ITGA2B: variants seen among roughly 807,000 people sequenced by gnomAD.
ITGA2B encodes integrin subunit alpha 2b.
A neutral mutation model predicts 142.0 loss-of-function variants in ITGA2B; 91 were observed. That is an observed-to-expected ratio of 0.64 (90% CI 0.54 to 0.76). The LOEUF (loss-of-function observed/expected upper bound fraction) is 0.76, where lower values mean the gene tolerates loss of function less well. Among genes scored for constraint, ITGA2B ranks in the 30% least tolerant of loss-of-function variants. ITGA2B has a pLI of 0.00. For missense variants in ITGA2B, 1,231 were observed against 1,350.8 expected (o/e 0.91, Z 1.39); for synonymous variants, 536 against 567.2 (o/e 0.94, Z 0.78).
At chr17:44,373,061 C>A (rs1271423605) in intron 29 of ITGA2B, among the ~76,000 whole-genome samples, 2 of 152,056 alleles carry the variant, frequency 1.3e-5, no homozygotes, top group African/African-American at 2.4e-5. Context: ...TTTTAAAAAA[C>A]TTTTTTGTAG....
In ITGA2B at chr17:44,378,381, C is replaced by T. The variant is rs377655288; in HGVS notation, c.2075G>A (p.Arg692Gln). Reference sequence around the variant, plus strand: ...CCATACCTCGACATTGCTTAGGGCCCGCATGTAGTGGGCGCCCTGGGGCAG... The same window carrying T: ...CCATACCTCGACATTGCTTAGGGCCTGCATGTAGTGGGCGCCCTGGGGCAG... ...VHLPQGAHYM[R>Q]ALSNVEGFER... Residue 692 changes from arginine to glutamine, a missense_variant, in exon 20 of 30, where the codon CGG becomes CAG. Transcript: ENST00000262407. The T allele has an allele frequency of 3.3e-5, 53 of 1,612,552 alleles. No individual in the cohort carries two copies. The highest frequency in any genetic ancestry group is 4.5e-5 in the East Asian group (2 of 44,892).
Position 44,376,142 on chromosome 17 carries a change from A to G in ITGA2B, c.2391T>C (p.Gly797=). 1 of 1,613,694 alleles carries G rather than the reference A, an allele frequency of 6.2e-7. No homozygotes were observed. Among genetic ancestry groups the G allele is most frequent in the Non-Finnish European group, 8.5e-7 (1 of 1,179,902 alleles). ...TGTCCAAGCTGTTCTGCTCCCTCTC[A>G]CCTTCTTCTGCTGCCACCACCAGGG... ...PASLVVAAEE[G]EREQNSLDSW... is the part of the protein sequence containing the mutation. The change falls in exon 24 of 30, where the codon GGT becomes GGC. Residue 797 remains glycine (G), a synonymous_variant. Transcript: ENST00000262407.
At chr17:44,374,832 A>G in intron 27 of ITGA2B, 72 bp from the exon 28 acceptor site, 1 of 1,411,948 alleles carries the variant, frequency 7.1e-7, no homozygotes. Flanking sequence ...CAGGTCCCAC[A>G]CCCCCGGCGG....
At chr17:44,379,646 CA>C in intron 18 of ITGA2B, 42 bp downstream of exon 18, 2 of 1,613,604 alleles carry the variant, frequency 1.2e-6, no homozygotes, top group Non-Finnish European at 1.7e-6. Flanking sequence ...GATTTGCTAT[CA>C]GGGGTCCTGC....
chr17:44,375,871 G>C lies in ITGA2B; in HGVS notation c.2563C>G (p.Leu855Val), dbSNP rs150028966. The C allele has an allele frequency of 1.2e-6, 2 of 1,601,262 alleles. No homozygotes were observed. Among genetic ancestry groups the C allele is most frequent in the Non-Finnish European group, 1.7e-6 (2 of 1,174,274 alleles). ...YILDIQPQGGLQCFPQPPVNP... is the reference protein window; with the variant it reads ...YILDIQPQGGVQCFPQPPVNP... ...ACAGGAGGCTGTGGGAAGCACTGAA[G>C]GCCCCCCTGGGGCTGTATATCCAGG... Residue 855 changes from leucine (L) to valine (V), a missense_variant, in exon 25 of 30, where the codon CTT (leucine) becomes GTT (valine). Coordinates refer to ENST00000262407, the MANE Select transcript of ITGA2B (RefSeq NM_000419.5).
chr17:44,379,931 A>G, intron 17 of ITGA2B, 71 bp downstream of exon 17: 1 of 1,612,970 alleles, frequency 6.2e-7, no homozygotes, highest in Non-Finnish European at 8.5e-7. Context: ...TCAGTGCCCC[A>G]GGGCTAGATG....
At position 44,372,316 on chromosome 17, in the gene ITGA2B, G is replaced by A; in HGVS notation, c.*48C>T. ...GGCAACTTGTTGGAGAAGGGGCGGT[G>A]CAGGTAGCACGCCCAACCCTCCTGC... is the stretch of plus-strand genomic sequence containing the variant. On this transcript the variant is annotated 3_prime_UTR_variant, in exon 30 of 30. Transcript: ENST00000262407. The A allele has an allele frequency of 6.3e-7, 1 of 1,581,008 alleles. No homozygotes were observed. Among genetic ancestry groups the A allele is most frequent in the Non-Finnish European group, 8.7e-7 (1 of 1,149,962 alleles).
At chr17:44,386,233 C>A (rs1406785445) in intron 1 of ITGA2B, 102 bp from the exon 2 acceptor site, 1 of 1,509,124 alleles carries the variant, frequency 6.6e-7, no homozygotes, top group African/African-American at 1.4e-5. Context: ...GGCATGGGGG[C>A]ACTGGACCAT....
In ITGA2B at chr17:44,374,376, A is replaced by G; in HGVS notation, c.3038T>C (p.Ile1013Thr). ...GVLGGLLLLT[I>T]LVLAMWKVGF... is the part of the protein sequence containing the mutation. Reference sequence around the variant, plus strand: ...CACCTTCCACATGGCCAGGACCAGGATGGTGAGCAGCAGCAGGCCACCCAG... The same window carrying G: ...CACCTTCCACATGGCCAGGACCAGGGTGGTGAGCAGCAGCAGGCCACCCAG... Residue 1013 changes from isoleucine to threonine, a missense_variant, in exon 29 of 30, where the codon ATC becomes ACC. By Grantham distance (89) the Ile-to-Thr change is moderately conservative. This residue lies in a region of ITGA2B where 908 missense variants were observed against 1,021.1 expected (regional missense o/e 0.89). Coordinates refer to ENST00000262407, the MANE Select transcript of ITGA2B (RefSeq NM_000419.5). 6.2e-7 allele frequency: 1 copy of G among 1,614,084 alleles called. No homozygotes were observed. The highest frequency in any genetic ancestry group is 8.5e-7 in the Non-Finnish European group (1 of 1,179,988).
chr17:44,376,809 C>T (rs566993742), intron 22 of ITGA2B, among the ~76,000 whole-genome samples, 200 bp downstream of exon 22: 1 of 152,096 alleles, frequency 6.6e-6, no homozygotes, highest in African/African-American at 2.4e-5. Context: ...GATGGGGTTT[C>T]ACCATGTTGG....
At chr17:44,376,047 C>G (rs562226610) in intron 24 of ITGA2B, 38 bp downstream of exon 24, 2 of 1,614,094 alleles carry the variant, frequency 1.2e-6, no homozygotes, top group South Asian at 2.2e-5. Flanking sequence ...TTCTGAGGAC[C>G]CGCTCACCCC....
Position 44,385,476 on chromosome 17 carries a change from G to C in ITGA2B, c.574+75C>G, listed in dbSNP as rs544596241. 5 of 1,524,036 alleles carry C rather than the reference G, an allele frequency of 3.3e-6. No homozygotes were observed. The African/African-American group carries it at 6.9e-5, about 21-fold the overall frequency. 94.4% of individuals were successfully genotyped at this position (1,524,036 alleles called of 1,614,324 possible). A position where few individuals can be genotyped will look rare whatever the true frequency, so the allele number is the denominator to read the frequency against. Reference sequence around the variant, plus strand: ...CCAGATCCAAAGCAAGGGCTGCGGCGCTGGGGGCGGGATCCGATGGGGGCG... The same window carrying C: ...CCAGATCCAAAGCAAGGGCTGCGGCCCTGGGGGCGGGATCCGATGGGGGCG... On this transcript the variant is annotated intron_variant, in intron 4 of 29. Coordinates refer to ENST00000262407, the MANE Select transcript of ITGA2B (RefSeq NM_000419.5).
At chr17:44,385,488 A>T (rs1019360903) in intron 4 of ITGA2B, 63 bp downstream of exon 4, 1 of 1,521,116 alleles carries the variant, frequency 6.6e-7, no homozygotes, top group African/African-American at 1.4e-5. Flanking sequence ...TGGGGGCGGG[A>T]TCCGATGGGG....
In ITGA2B at chr17:44,384,082, C is replaced by G. The variant is rs745824888; in HGVS notation, c.945+3G>C. ...GCCACGCCCACTGGGACCTGGCCCC[C>G]ACCTGCTCTCCGCGCAGCCGATGCA... On this transcript the variant is annotated splice_donor_region_variant and intron_variant, in intron 10 of 29. Transcript: ENST00000262407. 17 of 1,613,638 alleles carry G rather than the reference C, an allele frequency of 1.1e-5. No homozygotes were observed. Among genetic ancestry groups the G allele is most frequent in the Non-Finnish European group, 1.4e-5 (17 of 1,179,936 alleles).
Position 44,380,321 on chromosome 17 carries a change from G to T in ITGA2B, c.1545-20C>A, listed in dbSNP as rs557669076. ...TTGAAGCTGCAAAGACGTAAGTGGG[G>T]CTCAGGGGTTGGAGCCTTTCTGAGG... On this transcript the variant is annotated intron_variant, in intron 15 of 29. Coordinates refer to ENST00000262407, the MANE Select transcript of ITGA2B (RefSeq NM_000419.5). The T allele has an allele frequency of 6.2e-7, 1 of 1,614,214 alleles. No individual in the cohort carries two copies. Among genetic ancestry groups the T allele is most frequent in the East Asian group, 2.2e-5 (1 of 44,884 alleles).
At chr17:44,388,742 C>A (rs1160909186) in intron 1 of ITGA2B, among the ~76,000 whole-genome samples, 1 of 151,970 alleles carries the variant, frequency 6.6e-6, no homozygotes, top group Non-Finnish European at 1.5e-5. Context: ...TGGTCTTGAA[C>A]TCCTGACCTC....
chr17:44,376,522 G>A, intron 22 of ITGA2B, 134 bp from the exon 23 acceptor site: 1 of 773,130 alleles, frequency 1.3e-6, no homozygotes, highest in East Asian at 2.6e-5. Flanking sequence ...AGTTAGACCT[G>A]GGAAAGAACT....
At position 44,374,699 on chromosome 17, in the gene ITGA2B, T is replaced by C; in HGVS notation, c.2903A>G (p.Tyr968Cys). The C allele has an allele frequency of 6.2e-7, 1 of 1,613,862 alleles. No homozygotes were observed. The highest frequency in any genetic ancestry group is 8.5e-7 in the Non-Finnish European group (1 of 1,179,908). Residue 968 changes from tyrosine to cysteine, a missense_variant, in exon 28 of 30, where the codon TAT becomes TGT. By Grantham distance (194) the Tyr-to-Cys change is radical. Coordinates refer to ENST00000262407, the MANE Select transcript of ITGA2B (RefSeq NM_000419.5). ...GGGCAGGCTGAGCGGGGGCACCGCA[T>C]AGGGGAGGGAGGACACGTTGAACCA... ...HAWFNVSSLP[Y>C]AVPPLSLPRG...
At position 44,372,366 on chromosome 17, in the gene ITGA2B, A is replaced by G; in HGVS notation, c.3118T>C (p.Ter1040ArgextTer61). 6.2e-7 allele frequency: 1 copy of G among 1,612,748 alleles called. No individual in the cohort carries two copies. The highest frequency in any genetic ancestry group is 8.5e-7 in the Non-Finnish European group (1 of 1,179,738). ...PLEEDDEEGE[*>R] is the part of the protein sequence containing the mutation. Reference sequence around the variant, plus strand: ...CTAGAATAGTGTAGGCTGCACCATCACTCCCCCTCTTCATCATCTTCTTCC... The same window carrying G: ...CTAGAATAGTGTAGGCTGCACCATCGCTCCCCCTCTTCATCATCTTCTTCC... The change falls in exon 30 of 30, where the codon TGA becomes CGA. Residue 1040 changes from the stop codon to arginine, a stop_lost. Coordinates refer to ENST00000262407, the MANE Select transcript of ITGA2B (RefSeq NM_000419.5).
Sources: gnomAD v4.1 joint callset for allele counts (sites outside exome capture counted in the v4.1 genomes callset) on GRCh38, gnomAD v4.1.1 for gene constraint, gnomAD v4.1.1 regional missense constraint, MANE v1.5 for transcripts, NCBI Gene and HGNC (gene_info 2026-07-23, HGNC 2026-07-21) for gene names.